ATP6V0A4: variants seen among roughly 807,000 people sequenced by gnomAD.
ATP6V0A4 encodes ATPase H+ transporting V0 subunit a4.
Under a neutral mutation model 107.3 loss-of-function variants are expected in ATP6V0A4, and 86 were observed. That is an observed-to-expected ratio of 0.80 (90% CI 0.67 to 0.96). The LOEUF is 0.96. ATP6V0A4 is among the 40% of genes least tolerant of loss of function. The pLI is 0.00. For synonymous variants in ATP6V0A4, 353 were observed against 381.4 expected (o/e 0.93, Z 0.87); for missense variants, 908 against 1,045.6 (o/e 0.87, Z 1.81).
Position 138,733,049 on chromosome 7 carries a change from T to C in ATP6V0A4, c.1736A>G (p.Glu579Gly). Residue 579 changes from glutamate (E) to glycine (G), a missense_variant, in exon 17 of 22, where the codon GAG (glutamate) becomes GGG (glycine). Transcript: ENST00000310018. Reference sequence around the variant, plus strand: ...AAACAGACACAGGATAAAAATCATCTCAGGGATAAATTGCAGAATGATGTT... The same window carrying C: ...AAACAGACACAGGATAAAAATCATCCCAGGGATAAATTGCAGAATGATGTT... Reference protein sequence around the residue: ...TLNIILQFIPEMIFILCLFGY... With the variant: ...TLNIILQFIPGMIFILCLFGY... 1.9e-6 allele frequency: 3 copies of C among 1,614,016 alleles called. No homozygotes were observed. The highest frequency in any genetic ancestry group is 2.5e-6 in the Non-Finnish European group (3 of 1,179,998).
In ATP6V0A4 at chr7:138,747,638, A is replaced by T. The variant is rs188297866; in HGVS notation, c.1181-74T>A. 3.2e-4 allele frequency: 501 copies of T among 1,586,918 alleles called. 1 individual carries two copies. In the African/African-American group the frequency reaches 5.8e-3, roughly 19 times the overall value. Reference sequence around the variant, plus strand: ...GCCCCCACCTCAGATTCCCTGCCACAGCTCCACGATTTGCATGCGGGTTTC... The same window carrying T: ...GCCCCCACCTCAGATTCCCTGCCACTGCTCCACGATTTGCATGCGGGTTTC... On this transcript the variant is annotated intron_variant, in intron 12 of 21. Coordinates refer to ENST00000310018, the MANE Select transcript of ATP6V0A4 (RefSeq NM_020632.3).
At chr7:138,714,537 C>T (rs914076765) in intron 20 of ATP6V0A4, among the ~76,000 whole-genome samples, 1 of 149,734 alleles carries the variant, frequency 6.7e-6, no homozygotes, top group Non-Finnish European at 1.5e-5. Context: ...GAGACCTTGT[C>T]TCTTTTAGAT....
intron 1 of ATP6V0A4, among the ~76,000 whole-genome samples, chr7:138,791,230 G>A (rs1486655670): frequency 1.3e-5 from 2 of 152,136 alleles, no homozygotes; most frequent in Non-Finnish European, 2.9e-5. Flanking sequence ...AGTTATAAAA[G>A]AGGATTAGAC....
chr7:138,740,490 G>A (rs1031819707), intron 14 of ATP6V0A4, among the ~76,000 whole-genome samples: 2 of 146,640 alleles, frequency 1.4e-5, no homozygotes, highest in African/African-American at 2.5e-5. Context: ...GCAATGGCAC[G>A]ATCTTGGCTC....
chr7:138,720,567 C>T (rs1410110588), intron 19 of ATP6V0A4, among the ~76,000 whole-genome samples: 1 of 152,156 alleles, frequency 6.6e-6, no homozygotes, highest in African/African-American at 2.4e-5. Flanking sequence ...TACTGTGGAT[C>T]ACTCTGTACC....
At position 138,730,933 on chromosome 7, in the gene ATP6V0A4, TTTTTTA is replaced by T. The variant is rs1256221133; in HGVS notation, c.1908+1938_1908+1943del. ...AGGCATTTTTTCTTCTTCTTCTTCT[TTTTTTA>T]TTTTTTTTTTTGAGACAGAGTTTTG... On this transcript the variant is annotated intron_variant, in intron 17 of 21. Coordinates refer to ENST00000310018, the MANE Select transcript of ATP6V0A4 (RefSeq NM_020632.3). Among the ~76,000 whole-genome samples, 12 of 134,812 alleles carry T rather than the reference TTTTTTA, an allele frequency of 8.9e-5. 1 individual carries two copies. The highest frequency in any genetic ancestry group is 6.8e-4 in the South Asian group (3 of 4,440). 88.4% of individuals were successfully genotyped at this position (134,812 alleles called of 152,430 possible). A position where few individuals can be genotyped will look rare whatever the true frequency, so the allele number is the denominator to read the frequency against.
intron 21 of ATP6V0A4, among the ~76,000 whole-genome samples, chr7:138,707,055 CT>C (rs1803407473): frequency 2.7e-5 from 2 of 72,856 alleles, no homozygotes; most frequent in Non-Finnish European, 4.8e-5. Flanking sequence ...ACCACCATGC[CT>C]AGCTAATTTA....
chr7:138,758,208 C>A (rs1404526333), intron 8 of ATP6V0A4, among the ~76,000 whole-genome samples: 1 of 151,870 alleles, frequency 6.6e-6, no homozygotes, highest in Non-Finnish European at 1.5e-5. Flanking sequence ...ACGAAGGATG[C>A]ACAGTAATAT....
intron 18 of ATP6V0A4, 106 bp from the exon 19 acceptor site, chr7:138,722,131 C>T: frequency 6.5e-7 from 1 of 1,532,328 alleles, no homozygotes; most frequent in East Asian, 2.4e-5. Context: ...ATGTACCAGA[C>T]ACTGTTCTAA....
At chr7:138,786,623 C>T (rs1808189549) in intron 1 of ATP6V0A4, among the ~76,000 whole-genome samples, 1 of 151,718 alleles carries the variant, frequency 6.6e-6, no homozygotes, top group African/African-American at 2.4e-5. Flanking sequence ...TGAAGTTTAT[C>T]ATGGATGGAT....
intron 1 of ATP6V0A4, among the ~76,000 whole-genome samples, chr7:138,786,582 A>C (rs944007470): frequency 8.8e-5 from 4 of 45,490 alleles, no homozygotes; most frequent in Non-Finnish European, 1.8e-4. Context: ...TTGTCTCAGG[A>C]AAAAAAAAAA....
At chr7:138,754,837 A>G (rs111616120) in intron 10 of ATP6V0A4, among the ~76,000 whole-genome samples, 28,389 of 152,042 alleles carry the variant, frequency 0.19, 2,767 homozygotes, top group Middle Eastern at 0.22. Context: ...CAGTTTGGTC[A>G]GGCTGGTCTT....
chr7:138,793,321 T>C (rs544710032), intron 1 of ATP6V0A4, among the ~76,000 whole-genome samples: 2 of 152,224 alleles, frequency 1.3e-5, no homozygotes, highest in Non-Finnish European at 2.9e-5. Context: ...TGAGGGATAT[T>C]ACACAATGAT....
chr7:138,762,497 C>A, intron 6 of ATP6V0A4, 63 bp from the exon 7 acceptor site: 1 of 1,601,128 alleles, frequency 6.2e-7, no homozygotes. Flanking sequence ...AAGGCACCTA[C>A]ACCTCAAGAT....
intron 18 of ATP6V0A4, among the ~76,000 whole-genome samples, chr7:138,727,315 A>G (rs888363734): frequency 6.6e-6 from 1 of 151,994 alleles, no homozygotes; most frequent in South Asian, 2.1e-4. Flanking sequence ...AACAAAAAAA[A>G]CTTGCATCTA....
At chr7:138,744,884 G>A (rs923103467) in intron 14 of ATP6V0A4, among the ~76,000 whole-genome samples, 3 of 151,980 alleles carry the variant, frequency 2.0e-5, no homozygotes, top group African/African-American at 4.8e-5. Flanking sequence ...TGTATTTTTA[G>A]TGGAGACCAG....
intron 14 of ATP6V0A4, among the ~76,000 whole-genome samples, chr7:138,743,746 A>C (rs753399430): frequency 4.6e-5 from 7 of 152,162 alleles, no homozygotes; most frequent in Non-Finnish European, 2.9e-5. Context: ...TCTTAAGCTG[A>C]CCCAAAGGAG....
chr7:138,795,007 C>A (rs1257402826), intron 1 of ATP6V0A4, among the ~76,000 whole-genome samples: 2 of 151,906 alleles, frequency 1.3e-5, no homozygotes, highest in Non-Finnish European at 2.9e-5. Flanking sequence ...AAGTGATTCT[C>A]CTGCCTCAGC....
chr7:138,756,325 C>T, intron 9 of ATP6V0A4, 133 bp downstream of exon 9: 1 of 1,475,948 alleles, frequency 6.8e-7, no homozygotes, highest in Non-Finnish European at 9.3e-7. Context: ...TTGGGGCTGA[C>T]TTTTATGTGA....
Sources: gnomAD v4.1 joint callset for allele counts (sites outside exome capture counted in the v4.1 genomes callset) on GRCh38, gnomAD v4.1.1 for gene constraint, MANE v1.5 for transcripts, NCBI Gene and HGNC (gene_info 2026-07-23, HGNC 2026-07-21) for gene names.